The following TBL1X variants were observed in gnomAD, a reference collection of about 807,000 sequenced individuals.
TBL1X encodes transducin beta like 1 X-linked, also known as F-box-like/WD repeat-containing protein TBL1X.
In TBL1X, 10 loss-of-function variants were observed where a neutral mutation model predicts 50.7. That is an observed-to-expected ratio of 0.20 (90% CI 0.12 to 0.33). The LOEUF (loss-of-function observed/expected upper bound fraction) is 0.33, where lower values mean the gene tolerates loss of function less well. Ranked by LOEUF, TBL1X falls within the 10% of genes least tolerant of loss-of-function variation. TBL1X has a pLI of 1.00. For missense variants in TBL1X, 340 were observed against 504.4 expected, an observed-to-expected ratio of 0.67 and a Z score of 3.12; for synonymous variants, 190 against 214.7, an observed-to-expected ratio of 0.88 and a Z score of 1.01.
intron 5 of TBL1X, among the ~76,000 whole-genome samples, chrX:9,673,767 CAAAAAT>C (rs779183069): frequency 1.8e-5 from 2 of 112,259 alleles, no homozygotes; most frequent in Non-Finnish European, 3.8e-5. Context: ...AACTGTGACT[CAAAAAT>C]AAATTGGGGG....
intron 1 of TBL1X, among the ~76,000 whole-genome samples, chrX:9,490,308 C>T (rs2081934433): frequency 9.0e-6 from 1 of 111,710 alleles, no homozygotes; most frequent in Non-Finnish European, 1.9e-5. Flanking sequence ...TTGATTCCAT[C>T]TTAGAGCCCT....
At chrX:9,604,333 G>A (rs1479849578) in intron 2 of TBL1X, among the ~76,000 whole-genome samples, 1 of 112,360 alleles carries the variant, frequency 8.9e-6, no homozygotes, top group Non-Finnish European at 1.9e-5. Context: ...ACAGAAGCCT[G>A]TTAAGCAGCA....
At chrX:9,569,125 GTGTGCGT>G (rs2082369828) in intron 2 of TBL1X, among the ~76,000 whole-genome samples, 1 of 105,202 alleles carries the variant, frequency 9.5e-6, no homozygotes, top group African/African-American at 3.5e-5. Flanking sequence ...GTGGAGTGCT[GTGTGCGT>G]TGTGTCTATC....
chrX:9,624,166 A>G (rs192756644), intron 2 of TBL1X, among the ~76,000 whole-genome samples: 3 of 112,471 alleles, frequency 2.7e-5, no homozygotes, highest in Admixed American at 9.4e-5. Flanking sequence ...ACTAAGAGGC[A>G]GTCTTCTATT....
intron 1 of TBL1X, among the ~76,000 whole-genome samples, chrX:9,468,901 CCTT>C (rs1253831237): frequency 1.8e-5 from 2 of 110,967 alleles, no homozygotes; most frequent in African/African-American, 6.6e-5. Flanking sequence ...GCAGCCTCAA[CCTT>C]CTGGGCTTAA....
At chrX:9,709,140 C>G in intron 13 of TBL1X, 108 bp from the exon 14 acceptor site, 1 of 762,514 alleles carries the variant, frequency 1.3e-6, no homozygotes, top group Non-Finnish European at 1.9e-6. Flanking sequence ...AGGCTGAAGC[C>G]GAAGACCTTC....
At chrX:9,527,269 G>T (rs764458437) in intron 2 of TBL1X, among the ~76,000 whole-genome samples, 1 of 111,923 alleles carries the variant, frequency 8.9e-6, no homozygotes, top group South Asian at 3.7e-4. Context: ...TTTATTTCCA[G>T]TGTGGGAGAG....
At chrX:9,651,450 T>C (rs980298527) in intron 3 of TBL1X, among the ~76,000 whole-genome samples, 2 of 112,176 alleles carry the variant, frequency 1.8e-5, no homozygotes, top group African/African-American at 6.5e-5. Flanking sequence ...AAACCAGAGA[T>C]TTCTAGCTGT....
chrX:9,709,115 G>A, intron 13 of TBL1X, 133 bp from the exon 14 acceptor site: 1 of 562,856 alleles, frequency 1.8e-6, no homozygotes, highest in Non-Finnish European at 2.9e-6. Context: ...TGGTTGGGCT[G>A]TGCCCTTTGA....
intron 1 of TBL1X, among the ~76,000 whole-genome samples, chrX:9,494,118 G>A (rs1282727999): frequency 1.8e-5 from 2 of 111,635 alleles, no homozygotes; most frequent in African/African-American, 3.3e-5. Flanking sequence ...CATGTGGTGC[G>A]GTCCAGTGGC....
chrX:9,574,100 C>G (rs1484127036), intron 2 of TBL1X, among the ~76,000 whole-genome samples: 5 of 111,108 alleles, frequency 4.5e-5, no homozygotes, highest in African/African-American at 1.6e-4. Context: ...TAAAGTGATG[C>G]ACTTTGGACT....
intron 3 of TBL1X, among the ~76,000 whole-genome samples, chrX:9,651,206 G>GTTTGT (rs1481217798): frequency 9.1e-6 from 1 of 109,492 alleles, no homozygotes; most frequent in Non-Finnish European, 1.9e-5. Context: ...TTTTTCGTTT[G>GTTTGT]TTTGTTTTGT....
intron 2 of TBL1X, among the ~76,000 whole-genome samples, chrX:9,563,679 T>C (rs1265495939): frequency 8.9e-6 from 1 of 112,427 alleles, no homozygotes; most frequent in Non-Finnish European, 1.9e-5. Context: ...ACATTTTGAG[T>C]GCTCAGTAGC....
intron 2 of TBL1X, among the ~76,000 whole-genome samples, chrX:9,613,999 A>G (rs201437970): frequency 2.4e-3 from 259 of 109,233 alleles, no homozygotes; most frequent in Non-Finnish European, 4.1e-3. Context: ...AAAAAAAAAA[A>G]AAAAGAAAAG....
rs185414460 is a variant in TBL1X at position 9,552,287 on chromosome X, T to G, written c.-131+50438T>G. On this transcript the variant is annotated intron_variant, in intron 2 of 17. Coordinates refer to ENST00000645353, the MANE Select transcript of TBL1X (RefSeq NM_005647.4). ...TGGTGTGGAACTCAGATCCCAGCTCTGACCCTGTGTGGTCTTGGGGGATCA... is the reference window on the plus strand; with the variant it reads ...TGGTGTGGAACTCAGATCCCAGCTCGGACCCTGTGTGGTCTTGGGGGATCA... Among the ~76,000 whole-genome samples, 588 of 111,954 alleles carry G rather than the reference T, an allele frequency of 5.3e-3. 2 individuals carry two copies. Among genetic ancestry groups the G allele is most frequent in the Non-Finnish European group, 9.6e-3 (509 of 53,181 alleles).
At chrX:9,529,013 G>A (rs1569215939) in intron 2 of TBL1X, among the ~76,000 whole-genome samples, 2 of 111,963 alleles carry the variant, frequency 1.8e-5, no homozygotes, top group Non-Finnish European at 3.8e-5. Context: ...AAAATACGGA[G>A]TGGAAAAGTT....
Position 9,658,274 on chromosome X carries a change from C to G in TBL1X, c.211+3952C>G, listed in dbSNP as rs2082876154. On this transcript the variant is annotated intron_variant, in intron 5 of 17. Coordinates refer to ENST00000645353, the MANE Select transcript of TBL1X (RefSeq NM_005647.4). ...ATACAGTGTGTGAGTCCATTGGCCT[C>G]TGTCTTACGGGATCCATTGCCTGGT... Among the ~76,000 whole-genome samples the G allele has an allele frequency of 5.4e-5, 6 of 111,536 alleles. No individual in the cohort carries two copies. In the Admixed American group the frequency reaches 5.7e-4, roughly 11 times the overall value.
chrX:9,491,270 A>G (rs2081939897), intron 1 of TBL1X, among the ~76,000 whole-genome samples: 1 of 101,336 alleles, frequency 9.9e-6, no homozygotes, highest in Admixed American at 1.1e-4. Flanking sequence ...GGTGTGTGCC[A>G]CTGCACCACC....
intron 6 of TBL1X, among the ~76,000 whole-genome samples, chrX:9,685,879 C>T (rs751878621): frequency 1.8e-5 from 2 of 109,262 alleles, no homozygotes; most frequent in Admixed American, 9.7e-5. Flanking sequence ...CACACCACCA[C>T]GTCCAGATAA....
Sources: gnomAD v4.1 joint callset for allele counts (sites outside exome capture counted in the v4.1 genomes callset) on GRCh38, gnomAD v4.1.1 for gene constraint, MANE v1.5 for transcripts, NCBI Gene and HGNC (gene_info 2026-07-23, HGNC 2026-07-21) for gene names.